The following MEGF10 variants were observed in gnomAD, a reference collection of about 807,000 sequenced individuals.
The protein encoded by MEGF10 is multiple EGF like domains 10.
A neutral mutation model predicts 147.5 loss-of-function variants in MEGF10; 86 were observed. The observed-to-expected ratio is 0.58, with a 90% CI of 0.49 to 0.70. MEGF10 has a LOEUF of 0.70. Among genes scored for constraint, MEGF10 ranks in the 30% least tolerant of loss-of-function variants. The pLI is 0.00. For missense variants in MEGF10, 1,329 were observed against 1,487.3 expected (o/e 0.89, Z 1.75); for synonymous variants, 478 against 525.5 (o/e 0.91, Z 1.24).
At chr5:127,417,567 C>G in intron 9 of MEGF10, 71 bp from the exon 10 acceptor site, 1 of 1,462,082 alleles carries the variant, frequency 6.8e-7, no homozygotes, top group Non-Finnish European at 9.6e-7. Context: ...ATTGCTAAAG[C>G]AACATTTGCA....
intron 5 of MEGF10, among the ~76,000 whole-genome samples, chr5:127,392,345 C>T (rs911322000): frequency 6.6e-6 from 1 of 152,200 alleles, no homozygotes; most frequent in African/African-American, 2.4e-5. Context: ...AGACTTCCTA[C>T]TTAACAGTCC....
At chr5:127,327,609 G>A (rs1273355637) in intron 1 of MEGF10, among the ~76,000 whole-genome samples, 1 of 151,924 alleles carries the variant, frequency 6.6e-6, no homozygotes, top group African/African-American at 2.4e-5. Flanking sequence ...GTGGAAAAAG[G>A]GTACTCACTA....
intron 5 of MEGF10, among the ~76,000 whole-genome samples, chr5:127,387,312 T>A (rs1027241709): frequency 2.2e-4 from 34 of 152,308 alleles, no homozygotes; most frequent in Non-Finnish European, 4.4e-4. Context: ...CTAGATTCTC[T>A]CCATGTGTTC....
chr5:127,337,071 G>A (rs769790134), intron 2 of MEGF10, among the ~76,000 whole-genome samples: 1 of 152,104 alleles, frequency 6.6e-6, no homozygotes, highest in Non-Finnish European at 1.5e-5. Context: ...AAAATTTGAG[G>A]ACGGCCATAC....
chr5:127,301,679 A>G (rs1451081530), intron 1 of MEGF10, among the ~76,000 whole-genome samples: 2 of 152,220 alleles, frequency 1.3e-5, no homozygotes, highest in Non-Finnish European at 2.9e-5. Flanking sequence ...AGGCTACTCA[A>G]GCTCTCTAAA....
chr5:127,326,625 A>G (rs1298085472), intron 1 of MEGF10, among the ~76,000 whole-genome samples: 1 of 152,312 alleles, frequency 6.6e-6, no homozygotes, highest in South Asian at 2.1e-4. Flanking sequence ...AACTTAGCAC[A>G]CTGCCTCTGC....
At chr5:127,230,326 C>G in the MEGF10 span, among the ~76,000 whole-genome samples, 2 of 151,998 alleles carry the variant, frequency 1.3e-5, no homozygotes, top group African/African-American at 4.8e-5. Flanking sequence ...AAATTAAGCT[C>G]CGATATTAAA....
intron 5 of MEGF10, among the ~76,000 whole-genome samples, chr5:127,381,861 G>C (rs1339385749): frequency 6.6e-6 from 1 of 152,050 alleles, no homozygotes; most frequent in Non-Finnish European, 1.5e-5. Flanking sequence ...AGTAGAGGTG[G>C]GGTTTCACCA....
chr5:127,402,803 G>C, intron 8 of MEGF10, 121 bp downstream of exon 8: 1 of 992,824 alleles, frequency 1.0e-6, no homozygotes, highest in Non-Finnish European at 1.4e-6. Flanking sequence ...TTCAGAAGTA[G>C]CTATACAGCC....
chr5:127,399,435 A>T (rs1356905675), intron 7 of MEGF10, among the ~76,000 whole-genome samples: 1 of 152,242 alleles, frequency 6.6e-6, no homozygotes, highest in African/African-American at 2.4e-5. Flanking sequence ...TGAAATCAGG[A>T]AATATAATAA....
intron 4 of MEGF10, among the ~76,000 whole-genome samples, chr5:127,363,262 C>G (rs1003771342): frequency 6.6e-6 from 1 of 152,164 alleles, no homozygotes; most frequent in Non-Finnish European, 1.5e-5. Flanking sequence ...AGTTACAAAT[C>G]ATGTTTTACT....
chr5:127,285,422 A>G, the MEGF10 span, among the ~76,000 whole-genome samples: 2 of 152,160 alleles, frequency 1.3e-5, no homozygotes, highest in South Asian at 4.1e-4. Flanking sequence ...AATATGAAAA[A>G]TAATTGGAAT....
intron 5 of MEGF10, among the ~76,000 whole-genome samples, chr5:127,376,759 G>C (rs753553786): frequency 1.3e-5 from 2 of 152,168 alleles, no homozygotes; most frequent in Admixed American, 1.3e-4. Context: ...ACTATAAGAT[G>C]GTTGCAGTTA....
At chr5:127,411,759 T>C (rs1005333601) in intron 9 of MEGF10, among the ~76,000 whole-genome samples, 2 of 152,146 alleles carry the variant, frequency 1.3e-5, no homozygotes, top group African/African-American at 4.8e-5. Flanking sequence ...CTCCACAGGG[T>C]TTTATTTTTC....
At chr5:127,271,727 T>G in the MEGF10 span, among the ~76,000 whole-genome samples, 1 of 152,286 alleles carries the variant, frequency 6.6e-6, no homozygotes, top group South Asian at 2.1e-4. Flanking sequence ...TCCTTCCTGC[T>G]GCCATGTGGA....
chr5:127,304,823 G>C (rs1358370576), intron 1 of MEGF10, among the ~76,000 whole-genome samples: 1 of 152,046 alleles, frequency 6.6e-6, no homozygotes, highest in African/African-American at 2.4e-5. Flanking sequence ...AGTGTATTCA[G>C]AAGGATGCCT....
At chr5:127,248,495 G>A in the MEGF10 span, among the ~76,000 whole-genome samples, 2 of 152,042 alleles carry the variant, frequency 1.3e-5, no homozygotes. Flanking sequence ...AAACATGAAT[G>A]TAATGAATGG....
At chr5:127,239,886 G>A in the MEGF10 span, among the ~76,000 whole-genome samples, 2 of 152,094 alleles carry the variant, frequency 1.3e-5, no homozygotes, top group African/African-American at 4.8e-5. Context: ...CTCTACCTGT[G>A]TCTTACCCTC....
intron 4 of MEGF10, among the ~76,000 whole-genome samples, chr5:127,348,421 A>G (rs1761971399): frequency 6.6e-6 from 1 of 152,154 alleles, no homozygotes; most frequent in Non-Finnish European, 1.5e-5. Flanking sequence ...TTTTATATCA[A>G]AAATACTTTT....
Sources: allele counts gnomAD v4.1 joint callset (sites outside exome capture counted in the v4.1 genomes callset), GRCh38; gene constraint gnomAD v4.1.1; transcripts MANE v1.5; gene names NCBI Gene and HGNC (gene_info 2026-07-23, HGNC 2026-07-21).